The following SORBS3 variants were observed in gnomAD, a reference collection of about 807,000 sequenced individuals.
SORBS3 encodes the protein vinexin.
SORBS3 carries 69 observed loss-of-function variants against 98.0 expected under a neutral mutation model. The ratio of observed to expected loss-of-function variants is 0.70; its 90% CI spans 0.58 to 0.86. The LOEUF is 0.86. Among genes scored for constraint, SORBS3 ranks in the 40% least tolerant of loss-of-function variants. The probability of loss-of-function intolerance (pLI) is 0.00; values close to 1 mark genes in which losing one functional copy is unlikely to be tolerated. For synonymous variants in SORBS3, 394 were observed against 355.4 expected, an observed-to-expected ratio of 1.11 and a Z score of -1.22; for missense variants, 954 against 908.5, an observed-to-expected ratio of 1.05 and a Z score of -0.64.
At chr8:22,573,381 C>T in intron 20 of SORBS3, 1 of 456,274 alleles carries the variant, frequency 2.2e-6, no homozygotes. Flanking sequence ...TTAGGAGCCA[C>T]AAGCGCTTTG....
chr8:22,550,200 G>A (rs77471696), upstream of SORBS3: 5,793 of 167,272 alleles, frequency 0.035, 374 homozygotes, highest in African/African-American at 0.13. Flanking sequence ...AGTGTCCCAG[G>A]GTTCCCCCAC....
chr8:22,561,627 C>G lies in SORBS3; in HGVS notation c.518-238C>G, dbSNP rs1450567635. 1.5e-5 allele frequency: 9 copies of G among 611,792 alleles called. No homozygotes were observed. The Admixed American group carries it at 2.5e-4, about 17-fold the overall frequency. The allele number at this position is 611,792 out of a possible 1,614,324, so 37.9% of individuals were successfully genotyped here. A position where few individuals can be genotyped will look rare whatever the true frequency, so the allele number is the denominator to read the frequency against. ...TTTCTCTGGGCCTCCCTTTCCTCAT[C>G]TATAAGATGAGATCATCACCTACTC... On this transcript the variant is annotated intron_variant, in intron 6 of 20. Coordinates refer to ENST00000240123, the MANE Select transcript of SORBS3 (RefSeq NM_005775.5).
At chr8:22,571,609 C>G in intron 18 of SORBS3, 109 bp from the exon 19 acceptor site, 1 of 766,310 alleles carries the variant, frequency 1.3e-6, no homozygotes, top group Non-Finnish European at 2.3e-6. Flanking sequence ...GTTTGTAAGG[C>G]GTGCTGGCAG....
upstream of SORBS3, chr8:22,550,128 C>G (rs1047633731): frequency 1.8e-6 from 1 of 551,430 alleles, no homozygotes; most frequent in Non-Finnish European, 2.3e-6. Context: ...GGCTACCTGG[C>G]GTGGATAAGA....
upstream of SORBS3, among the ~76,000 whole-genome samples, chr8:22,550,500 G>C (rs1460258645): frequency 6.6e-6 from 1 of 152,230 alleles, no homozygotes; most frequent in African/African-American, 2.4e-5. Flanking sequence ...AGGCGCTAGA[G>C]GCCAGCAGGC....
Position 22,558,940 on chromosome 8 carries a change from T to A in SORBS3, c.478+748T>A, listed in dbSNP as rs374230407. 2.6e-4 allele frequency among the ~76,000 whole-genome samples: 39 copies of A among 152,316 alleles called. 4 individuals carry two copies. Among genetic ancestry groups the A allele is most frequent in the East Asian group, 1.7e-3 (9 of 5,180 alleles). ...ATGTTCTGGACGGGCAAGGAGAGCC[T>A]GGCCTGGAGCGAGGAGCATGTGGTG... On this transcript the variant is annotated intron_variant, in intron 5 of 20. Transcript: ENST00000240123.
intron 19 of SORBS3, 43 bp downstream of exon 19, chr8:22,571,864 C>G: frequency 7.2e-7 from 1 of 1,379,312 alleles, no homozygotes; most frequent in Non-Finnish European, 1.0e-6. Context: ...TGGGGGGGGT[C>G]ACTGGCAGGC....
At chr8:22,574,440 G>C (rs1332052293) in intron 20 of SORBS3, among the ~76,000 whole-genome samples, 2 of 152,060 alleles carry the variant, frequency 1.3e-5, no homozygotes, top group African/African-American at 4.8e-5. Flanking sequence ...CACATTTGTT[G>C]ATTGCTCAGA....
At chr8:22,567,027 C>A (rs1234539051) in intron 15 of SORBS3, 34 bp from the exon 16 acceptor site, 2 of 1,586,298 alleles carry the variant, frequency 1.3e-6, no homozygotes, top group East Asian at 2.2e-5. Flanking sequence ...GGGAAGGCTT[C>A]AGCTTACCCT....
intron 7 of SORBS3, 84 bp from the exon 8 acceptor site, chr8:22,563,903 A>G: frequency 2.0e-6 from 2 of 1,021,166 alleles, no homozygotes; most frequent in Non-Finnish European, 3.1e-6. Context: ...AGCAGGGACA[A>G]GGGCAGGGTG....
chr8:22,567,242 T>A, intron 16 of SORBS3, 67 bp downstream of exon 16: 1 of 1,193,592 alleles, frequency 8.4e-7, no homozygotes, highest in Non-Finnish European at 1.2e-6. Context: ...AGAGACTTAG[T>A]GCAAACCTTG....
chr8:22,567,272 CTG>C, intron 16 of SORBS3, 97 bp downstream of exon 16: 1 of 819,388 alleles, frequency 1.2e-6, no homozygotes, highest in African/African-American at 1.7e-5. Context: ...AAGCAAAAAA[CTG>C]TGAGGGGCTG....
chr8:22,572,474 C>T (rs755702155), intron 20 of SORBS3, 28 bp downstream of exon 20: 2 of 1,537,678 alleles, frequency 1.3e-6, no homozygotes, highest in Non-Finnish European at 1.8e-6. Context: ...GAGGGGGCAT[C>T]TCAGGGCCCC....
chr8:22,558,156 C>T lies in SORBS3; in HGVS notation c.442C>T (p.Arg148Trp), dbSNP rs145272490. The T allele has an allele frequency of 1.6e-4, 260 of 1,614,110 alleles. No homozygotes were observed. In the African/African-American group the frequency reaches 2.9e-3, roughly 18 times the overall value. Residue 148 changes from arginine to tryptophan, a missense_variant, in exon 5 of 21, where the codon CGG (arginine) becomes TGG (tryptophan). Arg to Trp is a moderately radical substitution (Grantham distance 101). Coordinates refer to ENST00000240123, the MANE Select transcript of SORBS3 (RefSeq NM_005775.5). ...CGTTGACAGACCCAGAGACTGGTAC[C>T]GGAGAATGTTCCAGCAGATTCACCG... ...SSVDRPRDWY[R>W]RMFQQIHRKM...
chr8:22,558,226 A>C (rs775696397), intron 5 of SORBS3, 34 bp downstream of exon 5: 1 of 1,602,420 alleles, frequency 6.2e-7, no homozygotes, highest in Non-Finnish European at 8.6e-7. Context: ...CTCCCTGCCA[A>C]AGTGGATTCT....
At chr8:22,558,260 G>T in intron 5 of SORBS3, 68 bp downstream of exon 5, 1 of 1,492,980 alleles carries the variant, frequency 6.7e-7, no homozygotes, top group African/African-American at 1.4e-5. Context: ...TGGAGAGACA[G>T]GGAAAGAAAA....
intron 14 of SORBS3, 53 bp downstream of exon 14, chr8:22,566,766 C>G (rs1184822290): frequency 6.2e-7 from 1 of 1,613,512 alleles, no homozygotes; most frequent in Non-Finnish European, 8.5e-7. Context: ...GGCTGCCATC[C>G]TGGATCTGCC....
chr8:22,558,149 C>G lies in SORBS3; in HGVS notation c.435C>G (p.Asp145Glu). The G allele has an allele frequency of 6.2e-7, 1 of 1,614,122 alleles. No individual in the cohort carries two copies. Among genetic ancestry groups the G allele is most frequent in the Non-Finnish European group, 8.5e-7 (1 of 1,180,018 alleles). Residue 145 changes from aspartate to glutamate, a missense_variant, in exon 5 of 21, where the codon GAC becomes GAG. Transcript: ENST00000240123. The part of the protein sequence containing the change: ...APRSSVDRPR[D>E]WYRRMFQQIH... The stretch of plus-strand genomic sequence containing the variant: ...CCCAGAGCGTTGACAGACCCAGAGA[C>G]TGGTACCGGAGAATGTTCCAGCAGA...
At chr8:22,564,630 C>G in intron 10 of SORBS3, 109 bp downstream of exon 10, 1 of 1,486,240 alleles carries the variant, frequency 6.7e-7, no homozygotes, top group Non-Finnish European at 9.2e-7. Flanking sequence ...GCTCTCTCTC[C>G]AGTCCCACAT....
Sources: gnomAD v4.1 joint callset for allele counts (sites outside exome capture counted in the v4.1 genomes callset) on GRCh38, gnomAD v4.1.1 for gene constraint, MANE v1.5 for transcripts, NCBI Gene and HGNC (gene_info 2026-07-23, HGNC 2026-07-21) for gene names.